The following MAP2K5 variants were observed in gnomAD, a reference collection of about 807,000 sequenced individuals.
The protein encoded by MAP2K5 is dual specificity mitogen-activated protein kinase kinase 5.
Under a neutral mutation model 83.1 loss-of-function variants are expected in MAP2K5, and 49 were observed. The ratio of observed to expected loss-of-function variants is 0.59; its 90% confidence interval spans 0.47 to 0.75. The LOEUF (loss-of-function observed/expected upper bound fraction) is 0.75. MAP2K5 is among the 30% of genes least tolerant of loss of function. The pLI, the probability that MAP2K5 is intolerant of heterozygous loss-of-function variation, is 0.00. For missense variants in MAP2K5, 457 were observed against 557.5 expected, an observed-to-expected ratio of 0.82 and a Z score of 1.82; for synonymous variants, 202 against 191.8, an observed-to-expected ratio of 1.05 and a Z score of -0.44.
rs1025583096 is a variant in MAP2K5 at position 67,562,639 on chromosome 15, C to T, written c.185-644C>T. On this transcript the variant is annotated intron_variant, in intron 2 of 21. Coordinates refer to ENST00000178640, the MANE Select transcript of MAP2K5 (RefSeq NM_145160.3). The surrounding 1 kb of genome is among the most constrained non-coding windows in gnomAD (Gnocchi z 4.1). ...AGTATGCAAAACAAGTGAAACTGTT[C>T]GGAAAAAGAGCTGCTAAATAGAATG... Among the ~76,000 whole-genome samples, 2 of 152,012 alleles carry T rather than the reference C, an allele frequency of 1.3e-5. No homozygotes were observed. Among genetic ancestry groups the T allele is most frequent in the African/African-American group, 4.8e-5 (2 of 41,378 alleles).
At position 67,543,423 on chromosome 15, in the gene MAP2K5, G is replaced by A; in HGVS notation, c.88G>A (p.Asp30Asn). The A allele has an allele frequency of 6.2e-7, 1 of 1,614,136 alleles. No homozygotes were observed. ...CAAGATCCCAAATAGTGGCGCGGTG[G>A]ACTGGACAGTGCACTCCGGGCCGCA... ...RIKIPNSGAV[D>N]WTVHSGPQLL... The change falls in exon 1 of 22, where the codon GAC becomes AAC. Residue 30 changes from aspartate (D) to asparagine (N), a missense_variant. Physicochemically the swap from Asp to Asn is conservative, Grantham distance 23 (BLOSUM62 1). Around this residue, in one of 3 missense-constraint regions of MAP2K5, gnomAD observed 234 missense variants for 243.6 expected, o/e 0.96. Coordinates refer to ENST00000178640, the MANE Select transcript of MAP2K5 (RefSeq NM_145160.3). The surrounding 1 kb of genome is among the most constrained non-coding windows in gnomAD (Gnocchi z 4.3).
In MAP2K5 at chr15:67,618,142, C is replaced by A. The variant is rs188180772; in HGVS notation, c.546-12746C>A. Among the ~76,000 whole-genome samples the A allele has an allele frequency of 7.2e-5, 11 of 152,322 alleles. No homozygotes were observed. In the East Asian group the frequency reaches 2.1e-3, roughly 29 times the overall value. ...TGTACTAGACTCATCTTTAACATTT[C>A]AAGGAGTAAATAATATAATCAGTTG... On this transcript the variant is annotated intron_variant, in intron 8 of 21. Coordinates refer to ENST00000178640, the MANE Select transcript of MAP2K5 (RefSeq NM_145160.3).
At chr15:67,569,005 C>A (rs1365067430) in intron 3 of MAP2K5, among the ~76,000 whole-genome samples, 14 of 91,146 alleles carry the variant, frequency 1.5e-4, no homozygotes, top group Admixed American at 4.7e-4. Context: ...GACTCCATCT[C>A]AAAAAAAAAA....
Position 67,717,137 on chromosome 15 carries a change from A to G in MAP2K5, c.1045-10779A>G, listed in dbSNP as rs1473671735. ...AATGGTAAATGGAACTGAGCAGGAA[A>G]TCAGATAAAGGAAAAGACAGGTTAA... is the stretch of plus-strand genomic sequence containing the variant. On this transcript the variant is annotated intron_variant, in intron 16 of 21. Transcript: ENST00000178640. This position sits in a 1 kb window ranked among gnomAD's most constrained non-coding sequence, Gnocchi z 4.1. Among the ~76,000 whole-genome samples the G allele has an allele frequency of 6.6e-6, 1 of 152,228 alleles. No homozygotes were observed. Among genetic ancestry groups the G allele is most frequent in the Non-Finnish European group, 1.5e-5 (1 of 68,038 alleles).
At position 67,738,224 on chromosome 15, in the gene MAP2K5, G is replaced by A. The variant is rs1317093917; in HGVS notation, c.1075-10007G>A. 6.6e-6 allele frequency among the ~76,000 whole-genome samples: 1 copy of A among 152,290 alleles called. No homozygotes were observed. Among genetic ancestry groups the A allele is most frequent in the East Asian group, 1.9e-4 (1 of 5,174 alleles). The stretch of plus-strand genomic sequence containing the variant: ...GAGGAGAGACCAAAGGGGTAATGAA[G>A]CTTGTCTTGTTTTGTTTTCTGTTCA... On this transcript the variant is annotated intron_variant, in intron 17 of 21. Transcript: ENST00000178640. This position sits in a 1 kb window ranked among gnomAD's most constrained non-coding sequence, Gnocchi z 4.1.
chr15:67,670,398 C>T (rs759156890), intron 13 of MAP2K5: 1 of 455,432 alleles, frequency 2.2e-6, no homozygotes, highest in South Asian at 1.6e-5. Flanking sequence ...GTGGTAGTTA[C>T]ATGGTTATAT....
chr15:67,691,027 C>T (rs897586701), intron 13 of MAP2K5, among the ~76,000 whole-genome samples: 1 of 152,176 alleles, frequency 6.6e-6, no homozygotes, highest in Non-Finnish European at 1.5e-5. Context: ...CATAGAGCCT[C>T]CCAATAGAGG....
At chr15:67,608,551 G>A (rs374941743) in intron 8 of MAP2K5, among the ~76,000 whole-genome samples, 1 of 152,200 alleles carries the variant, frequency 6.6e-6, no homozygotes. Context: ...GGCTGAGGAA[G>A]AACTGATGGC....
In MAP2K5 at chr15:67,786,328, T is replaced by A. The variant is rs1329556887; in HGVS notation, c.1242+13576T>A. ...CAAGATGAAGCACATTCCTCCCCAC[T>A]CACTGGAAGCCATAACTTTTCATGT... is the stretch of plus-strand genomic sequence containing the variant. On this transcript the variant is annotated intron_variant, in intron 21 of 21. Coordinates refer to ENST00000178640, the MANE Select transcript of MAP2K5 (RefSeq NM_145160.3). The surrounding 1 kb of genome is among the most constrained non-coding windows in gnomAD (Gnocchi z 4.7). Among the ~76,000 whole-genome samples, 3 of 152,186 alleles carry A rather than the reference T, an allele frequency of 2.0e-5. No individual in the cohort carries two copies. Among genetic ancestry groups the A allele is most frequent in the African/African-American group, 7.2e-5 (3 of 41,452 alleles).
intron 8 of MAP2K5, among the ~76,000 whole-genome samples, chr15:67,616,732 T>G (rs2086064502): frequency 6.6e-6 from 1 of 152,224 alleles, no homozygotes; most frequent in Non-Finnish European, 1.5e-5. Flanking sequence ...CATCACTTTC[T>G]TTCTTGCTTA....
chr15:67,803,076 A>AGCTGTGTGTGGGCC (rs1176056011), intron 21 of MAP2K5, among the ~76,000 whole-genome samples: 1 of 152,252 alleles, frequency 6.6e-6, no homozygotes, highest in Admixed American at 6.5e-5. Flanking sequence ...GGAGATGCAT[A>AGCTGTGTGTGGGCC]GCTGTGTGTG....
intron 9 of MAP2K5, among the ~76,000 whole-genome samples, chr15:67,635,332 G>A (rs900874862): frequency 4.0e-5 from 6 of 151,610 alleles, no homozygotes; most frequent in Admixed American, 1.3e-4. Flanking sequence ...CTGCCACCAC[G>A]CCCGGCTAAT....
intron 2 of MAP2K5, among the ~76,000 whole-genome samples, chr15:67,550,325 C>T (rs1050767079): frequency 6.6e-6 from 1 of 152,156 alleles, no homozygotes; most frequent in Non-Finnish European, 1.5e-5. Flanking sequence ...CCAGCATGAC[C>T]TTTATCTGCT....
At chr15:67,706,789 A>G (rs971228749) in intron 16 of MAP2K5, among the ~76,000 whole-genome samples, 1 of 152,188 alleles carries the variant, frequency 6.6e-6, no homozygotes, top group African/African-American at 2.4e-5. Flanking sequence ...CATGTTTTAT[A>G]TACCTAATCT....
intron 16 of MAP2K5, among the ~76,000 whole-genome samples, chr15:67,727,696 A>T (rs1190093043): frequency 1.1e-4 from 17 of 152,274 alleles, no homozygotes; most frequent in Non-Finnish European, 5.9e-5. Context: ...TGTTATTAAA[A>T]TTAAAATATT....
chr15:67,599,004 A>G (rs939726129), intron 7 of MAP2K5, among the ~76,000 whole-genome samples: 4 of 152,214 alleles, frequency 2.6e-5, no homozygotes, highest in African/African-American at 4.8e-5. Flanking sequence ...GTGCCCACCA[A>G]TGGATACTGC....
intron 2 of MAP2K5, among the ~76,000 whole-genome samples, chr15:67,556,855 T>C (rs1170717927): frequency 6.6e-6 from 1 of 152,172 alleles, no homozygotes; most frequent in Non-Finnish European, 1.5e-5. Context: ...TCCCAGCCCT[T>C]GTTTTTCTTA....
chr15:67,711,640 G>A (rs189334147), intron 16 of MAP2K5, among the ~76,000 whole-genome samples: 27 of 151,534 alleles, frequency 1.8e-4, no homozygotes, highest in African/African-American at 3.4e-4. Context: ...TAGCCATAAC[G>A]TGATTTACAC....
intron 19 of MAP2K5, among the ~76,000 whole-genome samples, chr15:67,767,645 T>G (rs1342368814): frequency 1.3e-5 from 2 of 152,212 alleles, no homozygotes; most frequent in East Asian, 3.8e-4. Flanking sequence ...TATATGGCTT[T>G]CCTAAAACAG....
Sources: gnomAD v4.1 joint callset for allele counts (sites outside exome capture counted in the v4.1 genomes callset) on GRCh38, gnomAD v4.1.1 for gene constraint, gnomAD v4.1.1 regional missense constraint, Gnocchi (gnomAD v3.1) non-coding constraint, MANE v1.5 for transcripts, NCBI Gene and HGNC (gene_info 2026-07-23, HGNC 2026-07-21) for gene names.